ASXL3: variants seen among roughly 807,000 people sequenced by gnomAD.
ASXL3 encodes the protein putative Polycomb group protein ASXL3.
ASXL3 carries 34 observed loss-of-function variants against 170.6 expected under a neutral mutation model. The observed-to-expected ratio is 0.20, with a 90% confidence interval of 0.15 to 0.27. The LOEUF is 0.27. Ranked by LOEUF, ASXL3 falls within the 10% of genes least tolerant of loss-of-function variation. The pLI is 1.00. For missense variants in ASXL3, 2,592 were observed against 2,695.3 expected (o/e 0.96, Z 0.85); for synonymous variants, 1,002 against 989.1 (o/e 1.01, Z -0.24).
chr18:33,694,335 G>A (rs2066737691), intron 8 of ASXL3, among the ~76,000 whole-genome samples: 1 of 152,102 alleles, frequency 6.6e-6, no homozygotes, highest in East Asian at 1.9e-4. Context: ...TATAAAATGT[G>A]TCTACGTAGA....
chr18:33,740,188 G>A lies in ASXL3; in HGVS notation c.2784G>A (p.Gly928=). 6.2e-7 allele frequency: 1 copy of A among 1,613,880 alleles called. No homozygotes were observed. ...CTAGAAATAAAACACATAAGCAAGG[G>A]AGTACACAGAGTCGGTTAGAAACCT... is the stretch of plus-strand genomic sequence containing the variant. ...EGSRNKTHKQ[G]STQSRLETSH... is the part of the protein sequence containing the mutation. Residue 928 remains glycine, a synonymous_variant, in exon 11 of 12, where the codon GGG becomes GGA. Transcript: ENST00000269197.
chr18:33,747,984 G>C lies in ASXL3; in HGVS notation c.*1389G>C, dbSNP rs1444463222. 2 of 152,152 alleles carry C rather than the reference G, an allele frequency of 1.3e-5. No homozygotes were observed. The highest frequency in any genetic ancestry group is 2.9e-5 in the Non-Finnish European group (2 of 68,028). The allele number at this position is 152,152 out of a possible 1,614,324, so 9.4% of individuals were successfully genotyped here. ...TCTGTTTTCAAAAGCAAGTTCAAAA[G>C]CACATGCACATTGAGGGAAGATGAA... is the stretch of plus-strand genomic sequence containing the variant. On this transcript the variant is annotated 3_prime_UTR_variant, in exon 12 of 12. Transcript: ENST00000269197.
chr18:33,581,555 G>C (rs1249303040), intron 1 of ASXL3, among the ~76,000 whole-genome samples: 2 of 151,570 alleles, frequency 1.3e-5, no homozygotes, highest in African/African-American at 4.9e-5. Flanking sequence ...TAGATATTTT[G>C]AACCATGACC....
At chr18:33,728,378 C>A (rs781082603) in intron 8 of ASXL3, among the ~76,000 whole-genome samples, 2 of 152,164 alleles carry the variant, frequency 1.3e-5, no homozygotes, top group Non-Finnish European at 2.9e-5. Flanking sequence ...TAATTGAAAT[C>A]TATCTGTACA....
intron 8 of ASXL3, among the ~76,000 whole-genome samples, chr18:33,694,469 A>C (rs1317091529): frequency 6.6e-6 from 1 of 151,972 alleles, no homozygotes; most frequent in Non-Finnish European, 1.5e-5. Context: ...GGTTGTTGTC[A>C]TTTCTGTCAT....
chr18:33,581,472 A>AGTGTGTGTGTGTGTGTGTGTGT (rs150752638), intron 1 of ASXL3, among the ~76,000 whole-genome samples: 115 of 145,286 alleles, frequency 7.9e-4, no homozygotes, highest in African/African-American at 1.9e-3. Flanking sequence ...TGCTGGAGTG[A>AGTGTGTGTGTGTGTGTGTGTGT]GTGTGTGTGT....
At chr18:33,721,704 C>A (rs762746491) in intron 8 of ASXL3, among the ~76,000 whole-genome samples, 3 of 152,050 alleles carry the variant, frequency 2.0e-5, no homozygotes, top group Non-Finnish European at 4.4e-5. Flanking sequence ...TGATTCCATG[C>A]ATACTTTTAA....
At chr18:33,689,371 C>A (rs951784109) in intron 8 of ASXL3, among the ~76,000 whole-genome samples, 8 of 152,218 alleles carry the variant, frequency 5.3e-5, no homozygotes, top group Admixed American at 4.6e-4. Context: ...AGGAAATTAA[C>A]AGTGATGATT....
At chr18:33,662,795 C>T (rs944172053) in intron 5 of ASXL3, among the ~76,000 whole-genome samples, 3 of 152,032 alleles carry the variant, frequency 2.0e-5, no homozygotes, top group Admixed American at 6.5e-5. Flanking sequence ...ATATTTATCA[C>T]AAGGAAAAGA....
chr18:33,587,698 T>G (rs571610529), intron 1 of ASXL3, among the ~76,000 whole-genome samples: 10 of 152,002 alleles, frequency 6.6e-5, no homozygotes, highest in African/African-American at 2.2e-4. Flanking sequence ...CTGAATACAG[T>G]CAAGATTGGG....
chr18:33,690,478 T>C (rs1246964046), intron 8 of ASXL3, among the ~76,000 whole-genome samples: 2 of 152,182 alleles, frequency 1.3e-5, no homozygotes, highest in African/African-American at 2.4e-5. Context: ...AGGAACATCA[T>C]GTAGAAGAAA....
chr18:33,734,534 GTCCC>G, intron 10 of ASXL3, 119 bp downstream of exon 10: 2 of 518,390 alleles, frequency 3.9e-6, no homozygotes, highest in Non-Finnish European at 3.2e-6. Context: ...AAAGGCAATA[GTCCC>G]TCAGTGTAAG....
chr18:33,723,724 G>A (rs1226197144), intron 8 of ASXL3, among the ~76,000 whole-genome samples: 1 of 152,116 alleles, frequency 6.6e-6, no homozygotes, highest in African/African-American at 2.4e-5. Flanking sequence ...TCTGCTATGG[G>A]CAAAATGCTA....
chr18:33,664,367 G>A (rs1293303200), intron 5 of ASXL3, among the ~76,000 whole-genome samples: 6 of 152,088 alleles, frequency 3.9e-5, no homozygotes, highest in Non-Finnish European at 7.4e-5. Flanking sequence ...ACATACTTGA[G>A]TTGTTATATA....
Position 33,731,969 on chromosome 18 carries a change from T to C in ASXL3, c.881T>C (p.Met294Thr). The change falls in exon 9 of 12, where the codon ATG (methionine) becomes ACG (threonine). Residue 294 changes from methionine (M) to threonine (T), a missense_variant and splice_region_variant. Met to Thr is a moderately conservative substitution (Grantham distance 81). This residue lies in a region of ASXL3 where 73 missense variants were observed against 142.7 expected (regional missense o/e 0.51). Transcript: ENST00000269197. Reference sequence around the variant, plus strand: ...GTTTTTGTCGGCTTATTTTCCTAGATGGGAAGTGATGGAATTTTACGCCTC... The same window carrying C: ...GTTTTTGTCGGCTTATTTTCCTAGACGGGAAGTGATGGAATTTTACGCCTC... ...LLLLPEVDRQMGSDGILRLST... is the reference protein window; with the variant it reads ...LLLLPEVDRQTGSDGILRLST... 1 of 1,609,822 alleles carries C rather than the reference T, an allele frequency of 6.2e-7. No individual in the cohort carries two copies. Among genetic ancestry groups the C allele is most frequent in the Non-Finnish European group, 8.5e-7 (1 of 1,178,182 alleles).
intron 8 of ASXL3, among the ~76,000 whole-genome samples, chr18:33,706,917 C>T (rs972327525): frequency 6.6e-6 from 1 of 151,810 alleles, no homozygotes; most frequent in African/African-American, 2.4e-5. Flanking sequence ...TTTATATCTA[C>T]AAACCACCTG....
At chr18:33,657,622 C>A (rs1343676843) in intron 4 of ASXL3, among the ~76,000 whole-genome samples, 1 of 152,098 alleles carries the variant, frequency 6.6e-6, no homozygotes, top group Non-Finnish European at 1.5e-5. Flanking sequence ...CTTGGAGACA[C>A]TGAAGCCCGC....
In ASXL3 at chr18:33,746,901, T is replaced by C. The variant is rs2067804510; in HGVS notation, c.*306T>C. Reference sequence around the variant, plus strand: ...GTTTTTCTTTTAACCGAGGTGTAGATAGGAAAAGGACATTTTTAATTACTT... The same window carrying C: ...GTTTTTCTTTTAACCGAGGTGTAGACAGGAAAAGGACATTTTTAATTACTT... On this transcript the variant is annotated 3_prime_UTR_variant, in exon 12 of 12. Transcript: ENST00000269197. The C allele has an allele frequency of 3.8e-6, 1 of 265,366 alleles. No individual in the cohort carries two copies. The highest frequency in any genetic ancestry group is 7.0e-6 in the Non-Finnish European group (1 of 142,194). 16.4% of individuals were successfully genotyped at this position (265,366 alleles called of 1,614,324 possible).
At chr18:33,651,792 T>C (rs1397584077) in intron 4 of ASXL3, among the ~76,000 whole-genome samples, 1 of 152,110 alleles carries the variant, frequency 6.6e-6, no homozygotes, top group Non-Finnish European at 1.5e-5. Flanking sequence ...GTTAAGATAA[T>C]GATTATAATA....
Sources: allele counts gnomAD v4.1 joint callset (sites outside exome capture counted in the v4.1 genomes callset), GRCh38; gene constraint gnomAD v4.1.1; regional missense constraint gnomAD v4.1.1; transcripts MANE v1.5; gene names NCBI Gene and HGNC (gene_info 2026-07-23, HGNC 2026-07-21).